GLIS3: variants seen among roughly 807,000 people sequenced by gnomAD.
The protein encoded by GLIS3 is GLIS family zinc finger 3, also known as zinc finger protein GLIS3.
GLIS3 carries 53 observed loss-of-function variants against 78.6 expected under a neutral mutation model. That is an observed-to-expected ratio of 0.67 (90% CI 0.54 to 0.85). GLIS3 has a LOEUF of 0.85. Ranked by LOEUF, GLIS3 falls within the 40% of genes least tolerant of loss-of-function variation. The pLI, the probability that GLIS3 is intolerant of heterozygous loss-of-function variation, is 0.00. For missense variants in GLIS3, 1,703 were observed against 1,231.1 expected (o/e 1.38, Z -5.74); for synonymous variants, 684 against 509.9 (o/e 1.34, Z -4.60).
In GLIS3 at chr9:4,096,040, G is replaced by A. The variant is rs933937303; in HGVS notation, c.1710+21728C>T. Among the ~76,000 whole-genome samples, 9 of 142,832 alleles carry A rather than the reference G, an allele frequency of 6.3e-5. No homozygotes were observed. The East Asian group carries it at 1.2e-3, about 19-fold the overall frequency. 93.7% of individuals were successfully genotyped at this position (142,832 alleles called of 152,430 possible). A position where few individuals can be genotyped will look rare whatever the true frequency, so the allele number is the denominator to read the frequency against. On this transcript the variant is annotated intron_variant, in intron 4 of 10. Coordinates refer to ENST00000381971, the MANE Select transcript of GLIS3 (RefSeq NM_001042413.2). ...AAAAAAAAAAAAAGTCTCTATCACA[G>A]ATTTTGTCACAATAGAAACACATCT...
intron 2 of GLIS3, among the ~76,000 whole-genome samples, chr9:4,249,764 A>G (rs1312237010): frequency 6.6e-6 from 1 of 152,218 alleles, no homozygotes; most frequent in Admixed American, 6.5e-5. Context: ...TTTGTCATAA[A>G]TAGCTCTTAT....
intron 2 of GLIS3, among the ~76,000 whole-genome samples, chr9:4,281,227 C>A (rs565725028): frequency 6.6e-6 from 1 of 152,142 alleles, no homozygotes; most frequent in South Asian, 2.1e-4. Flanking sequence ...CACCATCACC[C>A]GTTCCACGTT....
At position 3,852,785 on chromosome 9, in the gene GLIS3, A is replaced by G. The variant is rs574249913; in HGVS notation, c.2473+3224T>C. Among the ~76,000 whole-genome samples, 6 of 152,352 alleles carry G rather than the reference A, an allele frequency of 3.9e-5. No individual in the cohort carries two copies. The South Asian group carries it at 1.0e-3, about 26-fold the overall frequency. On this transcript the variant is annotated intron_variant, in intron 9 of 10. Transcript: ENST00000381971. ...GCACGCCCTTTGCAACCTCATTGCA[A>G]CAGTCACTGGCCCATCTTCCTGGAG...
At chr9:4,152,031 A>C in intron 2 of GLIS3, 1 of 461,152 alleles carries the variant, frequency 2.2e-6, no homozygotes, top group Non-Finnish European at 2.9e-6. Flanking sequence ...GTATGAAAAA[A>C]CCAGAACCTC....
intron 4 of GLIS3, among the ~76,000 whole-genome samples, chr9:3,983,021 A>G (rs1819429164): frequency 6.6e-6 from 1 of 152,226 alleles, no homozygotes; most frequent in African/African-American, 2.4e-5. Flanking sequence ...TATTTCCTGC[A>G]CATGGAGCTT....
At chr9:4,417,528 G>C in the GLIS3 span, among the ~76,000 whole-genome samples, 1 of 152,128 alleles carries the variant, frequency 6.6e-6, no homozygotes, top group African/African-American at 2.4e-5. Context: ...CTTTTTGGTA[G>C]ATATATAGTT....
chr9:3,925,869 C>T (rs1588241792), intron 6 of GLIS3, among the ~76,000 whole-genome samples: 3 of 152,262 alleles, frequency 2.0e-5, no homozygotes, highest in African/African-American at 7.2e-5. Context: ...ACTTAATTCT[C>T]GTTTTATCAA....
chr9:3,871,316 C>T (rs1182590518), intron 8 of GLIS3, among the ~76,000 whole-genome samples: 1 of 152,140 alleles, frequency 6.6e-6, no homozygotes, highest in Non-Finnish European at 1.5e-5. Flanking sequence ...GTGGATCTAC[C>T]ATTCTGGGGT....
chr9:4,346,763 T>C, intron 2 of GLIS3, among the ~76,000 whole-genome samples: 1 of 1,026 alleles, frequency 9.7e-4, no homozygotes, highest in African/African-American at 1.0e-3. Context: ...CCATCCCGGC[T>C]AAAACGGTGA....
intron 2 of GLIS3, among the ~76,000 whole-genome samples, chr9:4,343,165 C>T (rs1036939256): frequency 1.0e-5 from 1 of 96,400 alleles, no homozygotes; most frequent in African/African-American, 3.6e-5. Context: ...ATAGCAAGAC[C>T]TCATCTCTTC....
chr9:4,321,328 A>G (rs1817522697), intron 2 of GLIS3, among the ~76,000 whole-genome samples: 3 of 127,410 alleles, frequency 2.4e-5, no homozygotes, highest in South Asian at 2.4e-4. Context: ...AGGCTGAGGC[A>G]GGAGAATGGC....
chr9:4,310,643 C>G (rs191462944), intron 2 of GLIS3: 1 of 152,286 alleles, frequency 6.6e-6, no homozygotes. Context: ...GGGAACAGAT[C>G]CAGCCCCATG....
At chr9:4,434,215 A>G in the GLIS3 span, among the ~76,000 whole-genome samples, 1 of 152,110 alleles carries the variant, frequency 6.6e-6, no homozygotes, top group Non-Finnish European at 1.5e-5. Context: ...TTATCCATGT[A>G]TTTATTCCAC....
the GLIS3 span, among the ~76,000 whole-genome samples, chr9:4,429,607 T>C: frequency 6.6e-6 from 1 of 152,150 alleles, no homozygotes; most frequent in Non-Finnish European, 1.5e-5. Context: ...CCCATGACAA[T>C]TTTACATCTA....
At chr9:4,221,384 GAAAT>G (rs1170697893) in intron 2 of GLIS3, among the ~76,000 whole-genome samples, 1 of 152,132 alleles carries the variant, frequency 6.6e-6, no homozygotes, top group East Asian at 1.9e-4. Context: ...AAAAGAAAAA[GAAAT>G]AAATTATTTT....
At chr9:4,197,551 T>C (rs1401224678) in intron 2 of GLIS3, among the ~76,000 whole-genome samples, 5 of 152,230 alleles carry the variant, frequency 3.3e-5, no homozygotes, top group African/African-American at 7.2e-5. Flanking sequence ...GGGCATTTGG[T>C]GTCCGCCCAC....
chr9:4,378,312 G>A, the GLIS3 span, among the ~76,000 whole-genome samples: 1 of 152,080 alleles, frequency 6.6e-6, no homozygotes, highest in African/African-American at 2.4e-5. Flanking sequence ...CACTTTTTTA[G>A]TATAAGTATA....
At chr9:3,951,847 C>CAT (rs979671475) in intron 4 of GLIS3, among the ~76,000 whole-genome samples, 9 of 138,064 alleles carry the variant, frequency 6.5e-5, no homozygotes, top group Non-Finnish European at 1.3e-4. Context: ...CATGAACACA[C>CAT]ACACACACAC....
At chr9:3,874,908 C>G (rs1821213320) in intron 8 of GLIS3, among the ~76,000 whole-genome samples, 1 of 152,222 alleles carries the variant, frequency 6.6e-6, no homozygotes, top group East Asian at 1.9e-4. Flanking sequence ...AATCCACAGG[C>G]CTCCTTCAGC....
Sources: gnomAD v4.1 joint callset for allele counts (sites outside exome capture counted in the v4.1 genomes callset) on GRCh38, gnomAD v4.1.1 for gene constraint, MANE v1.5 for transcripts, NCBI Gene and HGNC (gene_info 2026-07-23, HGNC 2026-07-21) for gene names.